Variants in PCED1B observed in about 807,000 individuals in gnomAD.
The protein encoded by PCED1B is PC-esterase domain-containing protein 1B.
For missense variants in PCED1B, 573 were observed against 573.9 expected (o/e 1.00, Z 0.02); for synonymous variants, 251 against 246.1 (o/e 1.02, Z -0.19).
intron 2 of PCED1B, among the ~76,000 whole-genome samples, chr12:47,144,783 T>C (rs1168075313): frequency 6.6e-6 from 1 of 152,188 alleles, no homozygotes; most frequent in African/African-American, 2.4e-5. Context: ...CAACAAACGT[T>C]GTGTGTGTTC....
At chr12:47,164,069 C>T (rs1290981111) in intron 2 of PCED1B, among the ~76,000 whole-genome samples, 1 of 152,176 alleles carries the variant, frequency 6.6e-6, no homozygotes, top group Non-Finnish European at 1.5e-5. Flanking sequence ...GCCTCACCCC[C>T]CTACAATGCC....
chr12:47,208,556 TAG>T (rs1942980324), intron 2 of PCED1B: 1 of 152,078 alleles, frequency 6.6e-6, no homozygotes, highest in Non-Finnish European at 1.5e-5. Context: ...GTATTTTTAA[TAG>T]AGACAGGGTT....
intron 2 of PCED1B, among the ~76,000 whole-genome samples, chr12:47,183,024 T>A (rs1362481789): frequency 6.6e-6 from 1 of 152,134 alleles, no homozygotes; most frequent in African/African-American, 2.4e-5. Flanking sequence ...CTTTTTTTTT[T>A]TGGCAATGAT....
chr12:47,227,748 G>C (rs1001375103), intron 3 of PCED1B, among the ~76,000 whole-genome samples: 24 of 151,896 alleles, frequency 1.6e-4, no homozygotes, highest in African/African-American at 5.6e-4. Context: ...CAGGTATCTG[G>C]AGACCAAGGC....
chr12:47,204,323 A>T (rs2137726886), intron 2 of PCED1B, among the ~76,000 whole-genome samples: 1 of 152,248 alleles, frequency 6.6e-6, no homozygotes, highest in Non-Finnish European at 1.5e-5. Flanking sequence ...AATAGCATTG[A>T]ATCTATAAAT....
rs139923480 is a variant in PCED1B at position 47,154,136 on chromosome 12, G to T, written c.-526+49941G>T. ...CCAAACCATTTGACCCAGGAAACGC[G>T]TATCTTCTACCAGCATCCATGAAAC... On this transcript the variant is annotated intron_variant, in intron 2 of 3. Coordinates refer to ENST00000546455, the MANE Select transcript of PCED1B (RefSeq NM_138371.3). Among the ~76,000 whole-genome samples the T allele has an allele frequency of 1.3e-3, 193 of 152,292 alleles. 1 individual carries two copies. Among genetic ancestry groups the T allele is most frequent in the African/African-American group, 4.6e-3 (193 of 41,560 alleles).
At chr12:47,088,938 G>A (rs1938118737) in intron 1 of PCED1B, among the ~76,000 whole-genome samples, 1 of 152,100 alleles carries the variant, frequency 6.6e-6, no homozygotes. Flanking sequence ...AAGAACCTTG[G>A]CTCCTTGGCT....
chr12:47,128,147 T>C (rs1167976646), intron 2 of PCED1B, among the ~76,000 whole-genome samples: 3 of 152,210 alleles, frequency 2.0e-5, no homozygotes, highest in Non-Finnish European at 2.9e-5. Context: ...ATTATGCCAA[T>C]TTGAGTCAGG....
chr12:47,190,427 C>G (rs10785666), intron 2 of PCED1B, among the ~76,000 whole-genome samples: 96,704 of 152,050 alleles, frequency 0.64, 30,955 homozygotes, highest in East Asian at 0.71. Context: ...TCGCCTCTTC[C>G]AGGTCTTTCT....
intron 2 of PCED1B, among the ~76,000 whole-genome samples, chr12:47,140,112 T>A (rs1338790967): frequency 1.3e-5 from 2 of 152,188 alleles, no homozygotes; most frequent in South Asian, 2.1e-4. Context: ...TTCTCCAGGA[T>A]TAAAAGACTA....
intron 2 of PCED1B, among the ~76,000 whole-genome samples, chr12:47,108,189 T>G (rs1183096498): frequency 6.6e-6 from 1 of 152,162 alleles, no homozygotes; most frequent in African/African-American, 2.4e-5. Flanking sequence ...CTTTTTCCAG[T>G]TGGATAACCC....
chr12:47,211,488 C>CT (rs1446752235), intron 2 of PCED1B, among the ~76,000 whole-genome samples: 1 of 145,596 alleles, frequency 6.9e-6, no homozygotes, highest in Non-Finnish European at 1.5e-5. Flanking sequence ...CCCAACTCTA[C>CT]TTTAAAAAAA....
rs1376129664 is a variant in PCED1B at position 47,213,362 on chromosome 12, CA to C, written c.-525-2857del. Among the ~76,000 whole-genome samples the C allele has an allele frequency of 3.2e-4, 27 of 85,030 alleles. No homozygotes were observed. In the East Asian group the frequency reaches 6.7e-3, roughly 21 times the overall value. The allele number at this position is 85,030 out of a possible 152,430, so 55.8% of individuals were successfully genotyped here. On this transcript the variant is annotated intron_variant, in intron 2 of 3. Coordinates refer to ENST00000546455, the MANE Select transcript of PCED1B (RefSeq NM_138371.3). ...ATGTGGACTGTTTAAGTCAGACAAC[CA>C]AAGAAAAAAACATAGTTTTGTGATT...
At chr12:47,217,476 G>GAAAGAAAGAAAT (rs1565607940) in intron 3 of PCED1B, among the ~76,000 whole-genome samples, 2 of 100,166 alleles carry the variant, frequency 2.0e-5, no homozygotes, top group Admixed American at 9.1e-5. Context: ...GAAAGAGAAA[G>GAAAGAAAGAAAT]AAAGAAAGAA....
chr12:47,137,297 A>G (rs577098689), intron 2 of PCED1B, among the ~76,000 whole-genome samples: 1 of 152,346 alleles, frequency 6.6e-6, no homozygotes, highest in South Asian at 2.1e-4. Context: ...TTATTTGATC[A>G]TGTCCAAAAT....
rs149261648 is a variant in PCED1B, at chr12:47,230,722, G to A, written c.-57-4285G>A. 8.1e-3 allele frequency among the ~76,000 whole-genome samples: 1,227 copies of A among 152,184 alleles called. 14 individuals are homozygous for A. Among genetic ancestry groups the A allele is most frequent in the Admixed American group, 0.021 (321 of 15,290 alleles). On this transcript the variant is annotated intron_variant, in intron 3 of 3. Transcript: ENST00000546455. ...CTCTCAAAGTGCTGTGATTACAGGC[G>A]TGAGCCTCCTCGCCTGGCCAACATA...
At chr12:47,162,127 G>A (rs182667662) in intron 2 of PCED1B, among the ~76,000 whole-genome samples, 1 of 151,586 alleles carries the variant, frequency 6.6e-6, no homozygotes, top group Non-Finnish European at 1.5e-5. Context: ...GTGGTGGGGG[G>A]GGGAAGGATA....
At chr12:47,217,804 AGACCTCAGGTGATCC>A (rs1269724114) in intron 3 of PCED1B, among the ~76,000 whole-genome samples, 1 of 152,144 alleles carries the variant, frequency 6.6e-6, no homozygotes, top group African/African-American at 2.4e-5. Flanking sequence ...CTTGAACTCC[AGACCTCAGGTGATCC>A]GACCGTCTTG....
Position 47,218,675 on chromosome 12 carries a change from T to C in PCED1B, c.-58+1986T>C, listed in dbSNP as rs1410599012. Among the ~76,000 whole-genome samples, 8 of 150,686 alleles carry C rather than the reference T, an allele frequency of 5.3e-5. No homozygotes were observed. In the East Asian group the frequency reaches 5.8e-4, roughly 11 times the overall value. On this transcript the variant is annotated intron_variant, in intron 3 of 3. Coordinates refer to ENST00000546455, the MANE Select transcript of PCED1B (RefSeq NM_138371.3). Reference sequence around the variant, plus strand: ...ATCATTTTTAATTTTTTTTCTTTTTTTTTTTTTTTTTTAGAGACAGAGGTG... The same window carrying C: ...ATCATTTTTAATTTTTTTTCTTTTTCTTTTTTTTTTTTAGAGACAGAGGTG...
Sources: gnomAD v4.1 joint callset for allele counts (sites outside exome capture counted in the v4.1 genomes callset) on GRCh38, gnomAD v4.1.1 for gene constraint, MANE v1.5 for transcripts, NCBI Gene and HGNC (gene_info 2026-07-23, HGNC 2026-07-21) for gene names.